Variants in TENM2 observed in about 807,000 individuals in gnomAD.
TENM2 encodes teneurin transmembrane protein 2.
In TENM2, 52 loss-of-function variants were observed where a neutral mutation model predicts 245.2. The ratio of observed to expected loss-of-function variants is 0.21; its 90% confidence interval spans 0.17 to 0.27. The LOEUF (loss-of-function observed/expected upper bound fraction) is 0.27, where lower values mean the gene tolerates loss of function less well. Among genes scored for constraint, TENM2 ranks in the 10% least tolerant of loss-of-function variants. The probability of loss-of-function intolerance (pLI) is 1.00; values close to 1 mark genes in which losing one functional copy is unlikely to be tolerated. For synonymous variants in TENM2, 1,363 were observed against 1,438.9 expected (o/e 0.95, Z 1.19); for missense variants, 3,046 against 3,666.8 (o/e 0.83, Z 4.37).
At chr5:167,053,916 A>G in the TENM2 span, among the ~76,000 whole-genome samples, 3 of 152,178 alleles carry the variant, frequency 2.0e-5, no homozygotes, top group Non-Finnish European at 4.4e-5. Context: ...TTTTAAGTTC[A>G]TAGCAAAATT....
chr5:167,746,609 C>T (rs141694473), intron 2 of TENM2, among the ~76,000 whole-genome samples: 2 of 150,268 alleles, frequency 1.3e-5, no homozygotes, highest in East Asian at 2.0e-4. Flanking sequence ...AAGCCACTCA[C>T]GACTTGTGTG....
At chr5:168,100,022 CTGTT>C (rs558342666) in intron 9 of TENM2, among the ~76,000 whole-genome samples, 111 of 152,308 alleles carry the variant, frequency 7.3e-4, no homozygotes, top group Non-Finnish European at 1.5e-3. Context: ...ATTTGGCTCT[CTGTT>C]TGTCTATTGT....
At chr5:167,482,102 A>G (rs985394506) in intron 2 of TENM2, among the ~76,000 whole-genome samples, 1 of 152,200 alleles carries the variant, frequency 6.6e-6, no homozygotes, top group Non-Finnish European at 1.5e-5. Flanking sequence ...TACAAAAGTC[A>G]TATGTACAAC....
intron 3 of TENM2, among the ~76,000 whole-genome samples, chr5:167,886,317 A>G (rs546988496): frequency 2.0e-5 from 3 of 152,334 alleles, no homozygotes; most frequent in African/African-American, 7.2e-5. Context: ...GAAAAAATAT[A>G]TATATTCAAG....
chr5:167,372,972 G>A (rs1760525204), intron 1 of TENM2, among the ~76,000 whole-genome samples: 2 of 152,202 alleles, frequency 1.3e-5, no homozygotes, highest in South Asian at 4.1e-4. Flanking sequence ...ATTTCAGAGA[G>A]CATGATAAAC....
intron 9 of TENM2, among the ~76,000 whole-genome samples, chr5:168,106,993 G>A (rs555077337): frequency 6.6e-6 from 1 of 152,240 alleles, no homozygotes; most frequent in African/African-American, 2.4e-5. Context: ...CAAGGAGGTG[G>A]AGGTTGCAAT....
intron 2 of TENM2, among the ~76,000 whole-genome samples, chr5:167,821,665 A>G (rs1454093261): frequency 6.6e-6 from 1 of 152,208 alleles, no homozygotes; most frequent in Non-Finnish European, 1.5e-5. Flanking sequence ...CATTTAAAAT[A>G]TGGAGTGTTT....
the TENM2 span, among the ~76,000 whole-genome samples, chr5:167,132,023 A>G: frequency 2.9e-4 from 44 of 151,958 alleles, no homozygotes; most frequent in African/African-American, 9.2e-4. Context: ...GGGTTTCACC[A>G]TGTTGGCCAG....
At chr5:168,111,014 C>G (rs902944620) in intron 9 of TENM2, among the ~76,000 whole-genome samples, 4 of 152,186 alleles carry the variant, frequency 2.6e-5, no homozygotes, top group African/African-American at 9.6e-5. Flanking sequence ...TCATCCAACT[C>G]ATATGTCATG....
chr5:167,254,949 G>A, the TENM2 span, among the ~76,000 whole-genome samples: 2 of 152,040 alleles, frequency 1.3e-5, no homozygotes, highest in African/African-American at 4.8e-5. Flanking sequence ...GTCTGAAGGT[G>A]TGATAACAGG....
At chr5:167,496,692 T>C (rs1043669678) in intron 2 of TENM2, among the ~76,000 whole-genome samples, 7 of 152,138 alleles carry the variant, frequency 4.6e-5, no homozygotes, top group African/African-American at 1.7e-4. Flanking sequence ...ACTGTCATGG[T>C]TGATGATGTT....
chr5:168,034,779 A>G (rs904097363), intron 5 of TENM2, among the ~76,000 whole-genome samples: 2 of 152,086 alleles, frequency 1.3e-5, no homozygotes, highest in Non-Finnish European at 2.9e-5. Context: ...CTCAAAGAAA[A>G]TAAATAAAAA....
At chr5:167,552,542 A>C (rs1773018417) in intron 2 of TENM2, among the ~76,000 whole-genome samples, 1 of 152,082 alleles carries the variant, frequency 6.6e-6, no homozygotes, top group African/African-American at 2.4e-5. Flanking sequence ...CGCCGCCCAC[A>C]AAAAAGGGAT....
At chr5:167,475,585 A>T (rs533166935) in intron 2 of TENM2, among the ~76,000 whole-genome samples, 1 of 152,166 alleles carries the variant, frequency 6.6e-6, no homozygotes, top group South Asian at 2.1e-4. Flanking sequence ...CTGTCAACCC[A>T]TCATCTAGGC....
At chr5:167,594,928 G>A (rs941131374) in intron 2 of TENM2, among the ~76,000 whole-genome samples, 1 of 152,150 alleles carries the variant, frequency 6.6e-6, no homozygotes, top group Admixed American at 6.6e-5. Flanking sequence ...AGTTTGAAAT[G>A]CATTATGTTT....
chr5:167,495,978 T>C (rs1015754229), intron 2 of TENM2, among the ~76,000 whole-genome samples: 1 of 152,070 alleles, frequency 6.6e-6, no homozygotes, highest in Non-Finnish European at 1.5e-5. Context: ...TCTCTCATGC[T>C]TTCCTCTACC....
Position 167,511,208 on chromosome 5 carries a change from C to T in TENM2, c.502+135735C>T, listed in dbSNP as rs76243532. ...AGAAGAGATAAAACATGCACAAAGA[C>T]GACATTGATTGTCCTCCAAGGAGGA... On this transcript the variant is annotated intron_variant, in intron 2 of 28. Coordinates refer to ENST00000518659, the Ensembl canonical transcript of TENM2. 3.2e-3 allele frequency among the ~76,000 whole-genome samples: 494 copies of T among 152,146 alleles called. 23 individuals are homozygous for T. The South Asian group carries it at 0.079, about 24-fold the overall frequency.
At chr5:167,217,713 G>GATATATATATAT in the TENM2 span, among the ~76,000 whole-genome samples, 2 of 141,208 alleles carry the variant, frequency 1.4e-5, no homozygotes, top group African/African-American at 5.2e-5. Context: ...TGTAATGAGT[G>GATATATATATAT]ATATATATAT....
chr5:167,693,745 A>G (rs370652599), intron 2 of TENM2, among the ~76,000 whole-genome samples: 7 of 152,204 alleles, frequency 4.6e-5, no homozygotes, highest in African/African-American at 1.4e-4. Flanking sequence ...TTTCATACCC[A>G]GAAGCAAAAC....
Sources: gnomAD v4.1 joint callset for allele counts (sites outside exome capture counted in the v4.1 genomes callset) on GRCh38, gnomAD v4.1.1 for gene constraint, MANE v1.5 for transcripts, NCBI Gene and HGNC (gene_info 2026-07-23, HGNC 2026-07-21) for gene names.